Variants in AKR1C2 observed in about 807,000 individuals in gnomAD.
AKR1C2 encodes 3-alpha-HSD3.
Under a neutral mutation model 39.8 loss-of-function variants are expected in AKR1C2, and 27 were observed. The ratio of observed to expected loss-of-function variants is 0.68; its 90% CI spans 0.50 to 0.93. AKR1C2 has a LOEUF of 0.93. Among genes scored for constraint, AKR1C2 ranks in the 40% least tolerant of loss-of-function variants. The pLI is 0.00. For synonymous variants in AKR1C2, 114 were observed against 137.9 expected (o/e 0.83, Z 1.22); for missense variants, 263 against 365.1 (o/e 0.72, Z 2.28).
upstream of AKR1C2, chr10:5,007,635 A>G (rs1325494677): frequency 6.6e-6 from 1 of 150,416 alleles, no homozygotes; most frequent in Non-Finnish European, 1.5e-5. Flanking sequence ...CTGCAGACAT[A>G]AATTTCAGGT....
intron 1 of AKR1C2, among the ~76,000 whole-genome samples, chr10:5,016,092 A>C (rs1251370431): frequency 2.0e-5 from 3 of 152,186 alleles, no homozygotes; most frequent in Admixed American, 2.0e-4. Flanking sequence ...AGTGGGAACT[A>C]GAATTTCACA....
At chr10:5,011,057 A>G (rs1837513800) in intron 1 of AKR1C2, among the ~76,000 whole-genome samples, 1 of 152,038 alleles carries the variant, frequency 6.6e-6, no homozygotes. Context: ...AAAAAAATCA[A>G]CAGAGAACAG....
At chr10:5,011,925 A>G (rs2398175) in intron 1 of AKR1C2, among the ~76,000 whole-genome samples, 25 of 152,234 alleles carry the variant, frequency 1.6e-4, no homozygotes, top group South Asian at 1.0e-3. Context: ...ATAAGTTATA[A>G]CATGGAAGTA....
At chr10:5,005,118 C>A (rs1319350248), upstream of AKR1C2, among the ~76,000 whole-genome samples, 1 of 151,992 alleles carries the variant, frequency 6.6e-6, no homozygotes, top group Non-Finnish European at 1.5e-5. Flanking sequence ...AATAGTCCAT[C>A]TAAGCTATTG....
upstream of AKR1C2, among the ~76,000 whole-genome samples, chr10:5,005,605 C>A (rs1299230774): frequency 5.3e-5 from 8 of 152,094 alleles, no homozygotes; most frequent in Admixed American, 5.2e-4. Context: ...ATCGCTTGAA[C>A]CCAGGAGGCA....
intron 3 of AKR1C2, 50 bp from the exon 4 acceptor site, chr10:4,999,327 A>C (rs782180577): frequency 6.4e-7 from 1 of 1,558,910 alleles, no homozygotes; most frequent in Non-Finnish European, 8.7e-7. Context: ...ATTTCTCCAC[A>C]CATAGCCATG....
At chr10:5,008,615 G>T (rs1554774634), upstream of AKR1C2, among the ~76,000 whole-genome samples, 1 of 152,242 alleles carries the variant, frequency 6.6e-6, no homozygotes, top group African/African-American at 2.4e-5. Flanking sequence ...GAGGGAGAGG[G>T]AGAGGAATAT....
rs782258324 is a variant in AKR1C2 at position 4,998,663 on chromosome 10, T to C, written c.532A>G (p.Asn178Asp). ...FNHRLLEMIL[N>D]KPGLKYKPVC... ...GGCTTGTACTTGAGCCCTGGCTTGT[T>C]GAGGATCATCTCCAGCAGCCTGTGG... Residue 178 changes from asparagine (N) to aspartate (D), a missense_variant, in exon 5 of 9, where the codon AAC (asparagine) becomes GAC (aspartate). Transcript: ENST00000380753. 6.2e-7 allele frequency: 1 copy of C among 1,614,158 alleles called. No homozygotes were observed. Among genetic ancestry groups the C allele is most frequent in the Non-Finnish European group, 8.5e-7 (1 of 1,180,010 alleles).
At chr10:5,000,494 A>C in intron 3 of AKR1C2, 56 bp downstream of exon 3, 1 of 1,613,686 alleles carries the variant, frequency 6.2e-7, no homozygotes, top group Non-Finnish European at 8.5e-7. Context: ...CTCCATGAAA[A>C]CAATATTTAT....
chr10:5,009,760 C>T (rs1486634104), intron 1 of AKR1C2, among the ~76,000 whole-genome samples: 15 of 152,062 alleles, frequency 9.9e-5, no homozygotes, highest in Non-Finnish European at 1.8e-4. Flanking sequence ...CTGGGCAGAC[C>T]AGCAGGTGAG....
chr10:4,998,562 T>C, intron 5 of AKR1C2, 63 bp downstream of exon 5: 1 of 1,599,068 alleles, frequency 6.3e-7, no homozygotes, highest in Non-Finnish European at 8.5e-7. Flanking sequence ...GAATGGATAC[T>C]TGGCAATAGG....
Position 4,988,530 on chromosome 10 carries a change from T to C in AKR1C2, c.*1466A>G, listed in dbSNP as rs1554771726. On this transcript the variant is annotated 3_prime_UTR_variant, in exon 9 of 9. Transcript: ENST00000380753. ...CCAGAAATAATCCAAAAAATTGGTC[T>C]AGGGCCCTCCAAAGTTTATGGCCTC... 10 of 152,224 alleles carry C rather than the reference T, an allele frequency of 6.6e-5. No homozygotes were observed. Among genetic ancestry groups the C allele is most frequent in the Non-Finnish European group, 1.5e-5 (1 of 68,046 alleles). 9.4% of individuals were successfully genotyped at this position (152,224 alleles called of 1,614,324 possible). A position where few individuals can be genotyped will look rare whatever the true frequency, so the allele number is the denominator to read the frequency against.
intron 4 of AKR1C2, 134 bp from the exon 5 acceptor site, chr10:4,998,881 G>A (rs1460989858): frequency 3.4e-5 from 49 of 1,433,044 alleles, no homozygotes; most frequent in Admixed American, 5.3e-5. Context: ...TTAAAAGGGA[G>A]AAAATAAAAC....
Position 5,017,172 on chromosome 10 carries a change from T to G in AKR1C2, c.-88+728A>C, listed in dbSNP as rs562179169. ...CCCTATTGTCTTGGCTATTAACATT[T>G]GGCTCTTCTTTACTCATGCAAATTT... On this transcript the variant is annotated intron_variant, in intron 1 of 6. Coordinates refer to the AKR1C2 transcript ENST00000604507. 1.5e-3 allele frequency among the ~76,000 whole-genome samples: 230 copies of G among 152,372 alleles called. 1 individual carries two copies. Among genetic ancestry groups the G allele is most frequent in the South Asian group, 1.4e-3 (7 of 4,834 alleles).
At chr10:5,015,694 T>A (rs1332766954) in intron 1 of AKR1C2, 2 of 152,194 alleles carry the variant, frequency 1.3e-5, no homozygotes, top group African/African-American at 4.8e-5. Context: ...ACATATTTGA[T>A]TAGTACCGAG....
intron 1 of AKR1C2, among the ~76,000 whole-genome samples, chr10:5,013,062 G>A (rs1554775040): frequency 6.6e-6 from 1 of 152,146 alleles, no homozygotes; most frequent in South Asian, 2.1e-4. Flanking sequence ...TGGGACAAGG[G>A]AGAAGATTTT....
At chr10:5,015,193 G>A (rs1837612208) in intron 1 of AKR1C2, 1 of 152,226 alleles carries the variant, frequency 6.6e-6, no homozygotes, top group African/African-American at 2.4e-5. Flanking sequence ...CAAAGTGGCA[G>A]GGTCTAAGGC....
chr10:5,000,251 T>A, intron 3 of AKR1C2: 10 of 1,451,736 alleles, frequency 6.9e-6, no homozygotes, highest in Non-Finnish European at 8.1e-6. Flanking sequence ...AGAGGTGAAA[T>A]CAGGAATCAT....
chr10:4,989,160 A>AGG lies in AKR1C2; in HGVS notation c.*835_*836insCC. The AGG allele has an allele frequency of 6.6e-6, 1 of 152,286 alleles. No individual in the cohort carries two copies. Among genetic ancestry groups the AGG allele is most frequent in the Non-Finnish European group, 1.5e-5 (1 of 68,024 alleles). 9.4% of individuals were successfully genotyped at this position (152,286 alleles called of 1,614,324 possible). On this transcript the variant is annotated 3_prime_UTR_variant, in exon 9 of 9. Transcript: ENST00000380753. ...TTTCTAAATATGAGCTATTCAGGGGAATGTGATGAGTCAATGATATCTTCG... is the reference window on the plus strand; with the variant it reads ...TTTCTAAATATGAGCTATTCAGGGGAGGATGTGATGAGTCAATGATATCTTCG...
Sources: allele counts gnomAD v4.1 joint callset (sites outside exome capture counted in the v4.1 genomes callset), GRCh38; gene constraint gnomAD v4.1.1; transcripts MANE v1.5; gene names NCBI Gene and HGNC (gene_info 2026-07-23, HGNC 2026-07-21).